Variants in LMBR1 observed in about 807,000 individuals in gnomAD.
LMBR1 encodes limb region 1 protein homolog.
LMBR1 carries 52 observed loss-of-function variants against 73.9 expected under a neutral mutation model. The observed-to-expected ratio is 0.70, with a 90% CI of 0.56 to 0.89. The LOEUF is 0.89. Ranked by LOEUF, LMBR1 falls within the 40% of genes least tolerant of loss-of-function variation. The pLI is 0.00. For synonymous variants in LMBR1, 215 were observed against 209.4 expected (o/e 1.03, Z -0.23); for missense variants, 539 against 579.8 (o/e 0.93, Z 0.72).
At chr7:156,808,564 T>C (rs971954158) in intron 4 of LMBR1, among the ~76,000 whole-genome samples, 2 of 152,324 alleles carry the variant, frequency 1.3e-5, no homozygotes, top group East Asian at 1.9e-4. Context: ...GTTTAGAACA[T>C]TACATTTAAA....
downstream of LMBR1, chr7:156,676,492 G>A (rs1456116297): frequency 2.5e-6 from 4 of 1,614,058 alleles, no homozygotes; most frequent in South Asian, 4.4e-5. Context: ...CAGCGCGTGG[G>A]TGCAGGCAGG....
Position 156,681,207 on chromosome 7 carries a change from G to A in LMBR1, c.*2871C>T, listed in dbSNP as rs961132651. The A allele has an allele frequency of 2.2e-6, 1 of 453,138 alleles. No homozygotes were observed. The highest frequency in any genetic ancestry group is 4.4e-6 in the Non-Finnish European group (1 of 225,962). 28.1% of individuals were successfully genotyped at this position (453,138 alleles called of 1,614,324 possible). A position where few individuals can be genotyped will look rare whatever the true frequency, so the allele number is the denominator to read the frequency against. On this transcript the variant is annotated 3_prime_UTR_variant, in exon 17 of 17. Coordinates refer to ENST00000353442, the MANE Select transcript of LMBR1 (RefSeq NM_022458.4). ...GTCCCTGGCAGACGAGGTCATCACT[G>A]AGGCTGCAGGGAGGGCCATGGGCAC...
At chr7:156,759,653 T>C (rs1822596790) in intron 8 of LMBR1, among the ~76,000 whole-genome samples, 1 of 152,196 alleles carries the variant, frequency 6.6e-6, no homozygotes, top group Admixed American at 6.5e-5. Context: ...AGACAAGACT[T>C]TGAGGATACT....
At chr7:156,675,721 T>C (rs750778099), downstream of LMBR1, 1 of 1,493,862 alleles carries the variant, frequency 6.7e-7, no homozygotes, top group African/African-American at 1.4e-5. Flanking sequence ...CACCGCATCC[T>C]GTGCTCATAC....
intron 15 of LMBR1, among the ~76,000 whole-genome samples, chr7:156,720,042 T>C (rs1402865981): frequency 6.6e-6 from 1 of 151,802 alleles, no homozygotes; most frequent in Non-Finnish European, 1.5e-5. Context: ...GACACAGGCA[T>C]GGGCAAGGAC....
chr7:156,692,439 G>T (rs1807413699), intron 15 of LMBR1, among the ~76,000 whole-genome samples: 1 of 152,184 alleles, frequency 6.6e-6, no homozygotes, highest in South Asian at 2.1e-4. Flanking sequence ...ATCAATTGGA[G>T]ATATACTTAT....
intron 9 of LMBR1, among the ~76,000 whole-genome samples, chr7:156,737,825 C>T (rs1818166926): frequency 6.6e-6 from 1 of 152,120 alleles, no homozygotes; most frequent in African/African-American, 2.4e-5. Context: ...CCTCCAAGCT[C>T]TCCTGTTTGA....
chr7:156,725,994 G>C (rs1815675805), intron 12 of LMBR1, 157 bp from the exon 13 acceptor site: 2 of 498,676 alleles, frequency 4.0e-6, no homozygotes, highest in Admixed American at 4.0e-5. Context: ...CATGACATTA[G>C]ACTGATTTCA....
chr7:156,671,736 C>T (rs1277475248), intron 4 of LMBR1, among the ~76,000 whole-genome samples: 1 of 152,174 alleles, frequency 6.6e-6, no homozygotes, highest in Non-Finnish European at 1.5e-5. Flanking sequence ...CCTCCCCAGT[C>T]GTCCTAGTAT....
downstream of LMBR1, chr7:156,675,673 A>G: frequency 1.7e-5 from 24 of 1,395,228 alleles, no homozygotes; most frequent in Middle Eastern, 1.8e-4. Context: ...GTGTGAGCTT[A>G]CCCGCCCCCG....
At chr7:156,870,285 C>T (rs1277004219) in intron 1 of LMBR1, among the ~76,000 whole-genome samples, 1 of 152,176 alleles carries the variant, frequency 6.6e-6, no homozygotes, top group Non-Finnish European at 1.5e-5. Flanking sequence ...AACAGGAATA[C>T]TTCTCCAGGA....
intron 4 of LMBR1, among the ~76,000 whole-genome samples, chr7:156,805,643 A>C (rs1378693263): frequency 1.4e-4 from 22 of 152,226 alleles, no homozygotes; most frequent in Admixed American, 1.4e-3. Flanking sequence ...TCCGAATTTT[A>C]GATCAGCTTG....
At chr7:156,764,389 T>C (rs1205697382) in intron 5 of LMBR1, among the ~76,000 whole-genome samples, 1 of 152,206 alleles carries the variant, frequency 6.6e-6, no homozygotes, top group East Asian at 1.9e-4. Flanking sequence ...GACAAGAATA[T>C]AATAATATAA....
chr7:156,798,064 A>G (rs1228250160), intron 4 of LMBR1, among the ~76,000 whole-genome samples: 3 of 152,186 alleles, frequency 2.0e-5, no homozygotes, highest in Non-Finnish European at 2.9e-5. Flanking sequence ...CTGGAAGAGC[A>G]TACAGAACGA....
intron 12 of LMBR1, among the ~76,000 whole-genome samples, chr7:156,726,958 C>A (rs962757700): frequency 3.9e-5 from 6 of 152,032 alleles, no homozygotes; most frequent in African/African-American, 1.2e-4. Context: ...ATCATACTTC[C>A]CACTACTGTC....
chr7:156,883,273 C>T (rs1801378008), intron 1 of LMBR1, among the ~76,000 whole-genome samples: 1 of 151,362 alleles, frequency 6.6e-6, no homozygotes, highest in Non-Finnish European at 1.5e-5. Context: ...GTGGTGCACA[C>T]CTGTAATCCC....
At chr7:156,728,572 G>A in intron 11 of LMBR1, 72 bp downstream of exon 11, 2 of 1,009,486 alleles carry the variant, frequency 2.0e-6, no homozygotes, top group Non-Finnish European at 3.0e-6. Context: ...AGCTGAGGGA[G>A]CTGCCATACT....
At chr7:156,675,634 C>A, downstream of LMBR1, 1 of 1,438,804 alleles carries the variant, frequency 7.0e-7, no homozygotes, top group Non-Finnish European at 9.7e-7. Flanking sequence ...GGCTCGAGAG[C>A]GCTTCCCTGC....
intron 4 of LMBR1, chr7:156,823,180 T>A (rs979225039): frequency 2.6e-5 from 4 of 151,116 alleles, no homozygotes; most frequent in African/African-American, 9.7e-5. Flanking sequence ...TTTTTCTATA[T>A]TTTATAAATT....
Sources: allele counts gnomAD v4.1 joint callset (sites outside exome capture counted in the v4.1 genomes callset), GRCh38; gene constraint gnomAD v4.1.1; transcripts MANE v1.5; gene names NCBI Gene and HGNC (gene_info 2026-07-23, HGNC 2026-07-21).